THSD4: variants seen among roughly 807,000 people sequenced by gnomAD.
THSD4 encodes thrombospondin type-1 domain-containing protein 4.
THSD4 carries 69 observed loss-of-function variants against 119.0 expected under a neutral mutation model. The observed-to-expected ratio is 0.58, with a 90% CI of 0.48 to 0.71. The LOEUF is 0.71. Ranked by LOEUF, THSD4 falls within the 30% of genes least tolerant of loss-of-function variation. The pLI, the probability that THSD4 is intolerant of heterozygous loss-of-function variation, is 0.00. For synonymous variants in THSD4, 524 were observed against 540.4 expected, an observed-to-expected ratio of 0.97 and a Z score of 0.42; for missense variants, 1,393 against 1,391.1, an observed-to-expected ratio of 1.00 and a Z score of -0.02.
At chr15:71,500,289 A>C (rs1235271115) in intron 7 of THSD4, among the ~76,000 whole-genome samples, 2 of 152,130 alleles carry the variant, frequency 1.3e-5, no homozygotes, top group African/African-American at 2.4e-5. Flanking sequence ...CTTTGAAGAA[A>C]TGTCTGTTCA....
Position 71,777,451 on chromosome 15 carries a change from C to T in THSD4, c.*77C>T, listed in dbSNP as rs941884489. The T allele has an allele frequency of 2.0e-6, 3 of 1,527,134 alleles. No individual in the cohort carries two copies. The highest frequency in any genetic ancestry group is 2.6e-6 in the Non-Finnish European group (3 of 1,138,224). 94.6% of individuals were successfully genotyped at this position (1,527,134 alleles called of 1,614,324 possible). Reference sequence around the variant, plus strand: ...CAGCAGTGCGCCTGGCTGGCTGCTGCTCCACCACGGGCCCCCTGGCCCAGG... The same window carrying T: ...CAGCAGTGCGCCTGGCTGGCTGCTGTTCCACCACGGGCCCCCTGGCCCAGG... On this transcript the variant is annotated 3_prime_UTR_variant, in exon 18 of 18. Coordinates refer to ENST00000261862, the MANE Select transcript of THSD4 (RefSeq NM_024817.3).
intron 6 of THSD4, among the ~76,000 whole-genome samples, chr15:71,377,867 A>AACAC (rs376497737): frequency 0.013 from 1,098 of 86,286 alleles, 22 homozygotes; most frequent in African/African-American, 0.02. Flanking sequence ...ACATATCCAC[A>AACAC]ACACACACAC....
intron 7 of THSD4, among the ~76,000 whole-genome samples, chr15:71,471,616 G>T (rs983383232): frequency 2.6e-5 from 4 of 151,670 alleles, no homozygotes; most frequent in Non-Finnish European, 5.9e-5. Context: ...TCAGGAGCAA[G>T]GATGCACTGC....
intron 7 of THSD4, among the ~76,000 whole-genome samples, chr15:71,413,892 G>C (rs930322990): frequency 3.9e-5 from 6 of 152,224 alleles, no homozygotes; most frequent in African/African-American, 7.2e-5. Context: ...GTGATCTCCA[G>C]CTTTAATGTT....
At chr15:71,215,577 C>G (rs1343383926) in intron 4 of THSD4, among the ~76,000 whole-genome samples, 178 bp downstream of exon 4, 1 of 152,242 alleles carries the variant, frequency 6.6e-6, no homozygotes, top group Non-Finnish European at 1.5e-5. Context: ...ATTTATTTTG[C>G]AGCCTTGTAA....
intron 3 of THSD4, among the ~76,000 whole-genome samples, chr15:71,213,494 C>T (rs977611257): frequency 3.9e-5 from 6 of 152,212 alleles, no homozygotes; most frequent in African/African-American, 1.4e-4. Flanking sequence ...AAGCCTCCCA[C>T]AATCTTGTAC....
chr15:71,207,728 G>A (rs1418268977), intron 3 of THSD4, among the ~76,000 whole-genome samples: 2 of 152,118 alleles, frequency 1.3e-5, no homozygotes, highest in Non-Finnish European at 2.9e-5. Flanking sequence ...TGCATGTGAG[G>A]GATCTAGGTT....
chr15:71,147,968 C>CA (rs57726176), intron 2 of THSD4, among the ~76,000 whole-genome samples: 1,541 of 32,048 alleles, frequency 0.048, 231 homozygotes, highest in East Asian at 0.11. Flanking sequence ...GACTCTGTCT[C>CA]AAAAAAAAAA....
chr15:71,759,182 T>C (rs13329355), intron 15 of THSD4, among the ~76,000 whole-genome samples: 1 of 152,210 alleles, frequency 6.6e-6, no homozygotes, highest in Non-Finnish European at 1.5e-5. Context: ...GCCACTTCAA[T>C]GTAGAGTTTT....
rs538517474 is a variant in THSD4 at position 71,102,175 on chromosome 15, T to A, written c.-80+5169T>A. Among the ~76,000 whole-genome samples, 14 of 152,334 alleles carry A rather than the reference T, an allele frequency of 9.2e-5. No homozygotes were observed. The South Asian group carries it at 2.3e-3, about 25-fold the overall frequency. On this transcript the variant is annotated intron_variant, in intron 1 of 17. Transcript: ENST00000355327. ...AGGATATTTTCTTTATTTTAATAGT[T>A]TTCATAAGTTTGATTATAATGTGTG...
intron 3 of THSD4, among the ~76,000 whole-genome samples, chr15:71,202,736 C>T (rs369130407): frequency 1.3e-5 from 2 of 152,058 alleles, no homozygotes; most frequent in Admixed American, 6.6e-5. Flanking sequence ...GACTCTCTGG[C>T]GCTTCTTGAC....
intron 8 of THSD4, among the ~76,000 whole-genome samples, chr15:71,681,661 T>G (rs1319338789): frequency 1.5e-5 from 2 of 132,052 alleles, no homozygotes; most frequent in African/African-American, 2.9e-5. Context: ...GGCAAAAGAG[T>G]GAAACTTCGT....
At chr15:71,773,439 A>G (rs1334636892) in intron 17 of THSD4, among the ~76,000 whole-genome samples, 2 of 152,202 alleles carry the variant, frequency 1.3e-5, no homozygotes, top group African/African-American at 4.8e-5. Flanking sequence ...AATATAATAC[A>G]AAATGTGTTG....
At chr15:71,634,896 C>A (rs1027199214) in intron 7 of THSD4, among the ~76,000 whole-genome samples, 2 of 152,158 alleles carry the variant, frequency 1.3e-5, no homozygotes, top group Non-Finnish European at 2.9e-5. Flanking sequence ...TATTGAAGAG[C>A]CTTTACCCAC....
chr15:71,338,891 A>T (rs982200755), intron 6 of THSD4, among the ~76,000 whole-genome samples: 1 of 152,122 alleles, frequency 6.6e-6, no homozygotes, highest in East Asian at 1.9e-4. Context: ...TTGTCTGGAA[A>T]CCAGAGTTGG....
At chr15:71,307,358 A>G (rs577823075) in intron 6 of THSD4, among the ~76,000 whole-genome samples, 1 of 152,256 alleles carries the variant, frequency 6.6e-6, no homozygotes, top group Non-Finnish European at 1.5e-5. Context: ...TGTGTGATTG[A>G]TGTGTATGTT....
chr15:71,271,683 C>A (rs1036916940), intron 6 of THSD4, among the ~76,000 whole-genome samples: 5 of 152,146 alleles, frequency 3.3e-5, no homozygotes, highest in African/African-American at 1.2e-4. Flanking sequence ...TTCTCATTGT[C>A]TCACTCTCTG....
rs146581037 is a variant in THSD4, at chr15:71,478,980, A to G, written c.1152+67157A>G. Among the ~76,000 whole-genome samples the G allele has an allele frequency of 4.3e-4, 66 of 152,270 alleles. No individual in the cohort carries two copies. In the East Asian group the frequency reaches 0.012, roughly 28 times the overall value. Reference sequence around the variant, plus strand: ...CCACAGGTCTGCTTTGTATCCTTTAACTGAAACAACTATAATCCTTAACAC... The same window carrying G: ...CCACAGGTCTGCTTTGTATCCTTTAGCTGAAACAACTATAATCCTTAACAC... On this transcript the variant is annotated intron_variant, in intron 7 of 17. Transcript: ENST00000261862.
intron 6 of THSD4, among the ~76,000 whole-genome samples, chr15:71,352,673 G>A (rs774298439): frequency 4.6e-5 from 7 of 152,188 alleles, no homozygotes; most frequent in Non-Finnish European, 8.8e-5. Flanking sequence ...TACAGGTCCC[G>A]TTCTCAAAGA....
Sources: allele counts gnomAD v4.1 joint callset (sites outside exome capture counted in the v4.1 genomes callset), GRCh38; gene constraint gnomAD v4.1.1; transcripts MANE v1.5; gene names NCBI Gene and HGNC (gene_info 2026-07-23, HGNC 2026-07-21).